Variants in NRIP1 observed in about 807,000 individuals in gnomAD.
The protein encoded by NRIP1 is nuclear receptor-interacting protein 1.
Under a neutral mutation model 75.0 loss-of-function variants are expected in NRIP1, and 28 were observed. That is an observed-to-expected ratio of 0.37 (90% confidence interval 0.28 to 0.51). The LOEUF is 0.51. Ranked by LOEUF, NRIP1 falls within the 20% of genes least tolerant of loss-of-function variation. The probability of loss-of-function intolerance (pLI) is 0.92; values close to 1 mark genes in which losing one functional copy is unlikely to be tolerated. For missense variants in NRIP1, 1,435 were observed against 1,343.7 expected, an observed-to-expected ratio of 1.07 and a Z score of -1.06; for synonymous variants, 526 against 487.6, an observed-to-expected ratio of 1.08 and a Z score of -1.04.
chr21:15,020,763 A>C (rs1263191950), intron 2 of NRIP1, among the ~76,000 whole-genome samples: 1 of 152,166 alleles, frequency 6.6e-6, no homozygotes, highest in Non-Finnish European at 1.5e-5. Context: ...ACCAAAGAAG[A>C]CATGTGAATG....
intron 3 of NRIP1, among the ~76,000 whole-genome samples, chr21:14,973,432 T>C (rs2086959927): frequency 6.6e-6 from 1 of 152,086 alleles, no homozygotes; most frequent in Admixed American, 6.6e-5. Context: ...TGAAGAAACA[T>C]CTTTTATGAA....
chr21:15,039,583 T>G lies in NRIP1; in HGVS notation c.-458+3912A>C, dbSNP rs372321162. Reference sequence around the variant, plus strand: ...TCAAAATTTAGGTAACCTTTAAATATCCTAAGTAATGAGAAGTCATAGGCA... The same window carrying G: ...TCAAAATTTAGGTAACCTTTAAATAGCCTAAGTAATGAGAAGTCATAGGCA... On this transcript the variant is annotated intron_variant, in intron 2 of 3. Transcript: ENST00000318948. Among the ~76,000 whole-genome samples, 14 of 152,222 alleles carry G rather than the reference T, an allele frequency of 9.2e-5. 1 individual carries two copies. The East Asian group carries it at 2.3e-3, about 25-fold the overall frequency.
At chr21:15,030,187 T>C (rs1042478235) in intron 2 of NRIP1, among the ~76,000 whole-genome samples, 1 of 152,204 alleles carries the variant, frequency 6.6e-6, no homozygotes, top group East Asian at 1.9e-4. Flanking sequence ...GATGGCAGAG[T>C]AGAAAACAGA....
intron 3 of NRIP1, chr21:14,974,103 CA>C (rs1412478870): frequency 2.0e-5 from 3 of 152,008 alleles, no homozygotes; most frequent in Non-Finnish European, 4.4e-5. Flanking sequence ...GAATAATTTA[CA>C]CAATAAGAAT....
intron 2 of NRIP1, among the ~76,000 whole-genome samples, chr21:15,032,171 T>G (rs1314077091): frequency 6.6e-6 from 1 of 152,236 alleles, no homozygotes; most frequent in Admixed American, 6.5e-5. Context: ...AGGGTTTTGA[T>G]TTTTAGCTCA....
Position 14,966,383 on chromosome 21 carries a change from T to C in NRIP1, c.1810A>G (p.Lys604Glu), listed in dbSNP as rs1429415323. The stretch of plus-strand genomic sequence containing the variant: ...TTCTCTCCTGGTGGGTCTTTGCTTT[T>C]TGTAAGGTCCATTGAGTGGTTAGAT... ...TASNHSMDLT[K>E]SKDPPGEKPA... The change falls in exon 4 of 4, where the codon AAA becomes GAA. Residue 604 changes from lysine (K) to glutamate (E), a missense_variant. By Grantham distance (56) the Lys-to-Glu change is moderately conservative. Coordinates refer to ENST00000318948, the MANE Select transcript of NRIP1 (RefSeq NM_003489.4). The C allele has an allele frequency of 1.2e-6, 2 of 1,613,952 alleles. No individual in the cohort carries two copies. The highest frequency in any genetic ancestry group is 2.7e-5 in the African/African-American group (2 of 74,908).
chr21:15,061,334 C>A (rs2089419611), intron 1 of NRIP1, among the ~76,000 whole-genome samples: 1 of 152,114 alleles, frequency 6.6e-6, no homozygotes, highest in African/African-American at 2.4e-5. Flanking sequence ...TATCAATCAC[C>A]TGAAGGGGCA....
rs188460430 is a variant in NRIP1 at position 15,032,162 on chromosome 21, G to T, written c.-458+11333C>A. Among the ~76,000 whole-genome samples the T allele has an allele frequency of 5.9e-5, 9 of 152,302 alleles. No homozygotes were observed. The East Asian group carries it at 1.5e-3, about 26-fold the overall frequency. The stretch of plus-strand genomic sequence containing the variant: ...CCCAAAGGGGTAATTTTGAGTCAAA[G>T]GGTTTTGATTTTTAGCTCAAAGCCA... On this transcript the variant is annotated intron_variant, in intron 2 of 3. Transcript: ENST00000318948.
intron 1 of NRIP1, among the ~76,000 whole-genome samples, chr21:15,049,528 T>C (rs575633902): frequency 1.6e-4 from 25 of 152,264 alleles, no homozygotes; most frequent in African/African-American, 6.0e-4. Flanking sequence ...TTGAAGTTAC[T>C]GGAGAAAAGA....
intron 1 of NRIP1, among the ~76,000 whole-genome samples, chr21:15,058,609 C>G (rs923092732): frequency 6.6e-6 from 1 of 151,932 alleles, no homozygotes; most frequent in African/African-American, 2.4e-5. Context: ...TTTTTTCATT[C>G]TGAACTTCTA....
Position 14,967,505 on chromosome 21 carries a change from T to A in NRIP1, c.688A>T (p.Met230Leu). 1.7e-5 allele frequency: 28 copies of A among 1,614,082 alleles called. No individual in the cohort carries two copies. Among genetic ancestry groups the A allele is most frequent in the Non-Finnish European group, 2.3e-5 (27 of 1,179,930 alleles). Residue 230 changes from methionine (M) to leucine (L), a missense_variant, in exon 4 of 4, where the codon ATG (methionine) becomes TTG (leucine). Met to Leu is a conservative substitution (Grantham distance 15). Coordinates refer to ENST00000318948, the MANE Select transcript of NRIP1 (RefSeq NM_003489.4). Reference protein sequence around the residue: ...HHVGQSGTKVMSEPLSCAARL... With the variant: ...HHVGQSGTKVLSEPLSCAARL... ...GCAGCACATGACAACGGTTCACTCA[T>A]GACCTTTGTTCCACTTTGTCCAACA...
intron 2 of NRIP1, among the ~76,000 whole-genome samples, chr21:15,031,973 T>A (rs2088710679): frequency 6.6e-6 from 1 of 151,960 alleles, no homozygotes; most frequent in Non-Finnish European, 1.5e-5. Context: ...TCTATGTGTG[T>A]ACACTCTGGA....
At chr21:15,047,642 T>C (rs1274993381) in intron 1 of NRIP1, among the ~76,000 whole-genome samples, 1 of 152,186 alleles carries the variant, frequency 6.6e-6, no homozygotes, top group Non-Finnish European at 1.5e-5. Context: ...ATGATTCAAT[T>C]ACCTCCCACT....
chr21:14,999,478 G>A (rs773555160), intron 3 of NRIP1, among the ~76,000 whole-genome samples: 32 of 151,926 alleles, frequency 2.1e-4, no homozygotes, highest in Non-Finnish European at 4.0e-4. Flanking sequence ...AATAAAATTT[G>A]GCTAATATAA....
At chr21:15,006,786 CGAGAGT>C (rs2087983278) in intron 3 of NRIP1, among the ~76,000 whole-genome samples, 1 of 152,072 alleles carries the variant, frequency 6.6e-6, no homozygotes, top group African/African-American at 2.4e-5. Context: ...AAATAAGACC[CGAGAGT>C]GCACAGTGCC....
At chr21:15,050,594 A>G in intron 1 of NRIP1, 1 of 370,514 alleles carries the variant, frequency 2.7e-6, no homozygotes, top group Non-Finnish European at 5.3e-6. Context: ...ATGAAGAAAG[A>G]AATAGGTTAG....
In NRIP1 at chr21:14,964,866, A is replaced by T; in HGVS notation, c.3327T>A (p.Leu1109=). 1.2e-6 allele frequency: 2 copies of T among 1,613,396 alleles called. No individual in the cohort carries two copies. Among genetic ancestry groups the T allele is most frequent in the Non-Finnish European group, 1.7e-6 (2 of 1,179,670 alleles). The part of the protein sequence containing the change: ...VSQVTAKEEL[L]PTAETKASFF... The stretch of plus-strand genomic sequence containing the variant: ...AAGAAGCTTTCGTTTCTGCAGTAGG[A>T]AGTAACTCTTCTTTGGCTGTGACCT... The change falls in exon 4 of 4, where the codon CTT becomes CTA. Residue 1109 remains leucine, a synonymous_variant. Transcript: ENST00000318948.
rs778315586 is a variant in NRIP1, at chr21:14,967,147, G to C, written c.1046C>G (p.Pro349Arg). Residue 349 changes from proline to arginine, a missense_variant, in exon 4 of 4, where the codon CCA (proline) becomes CGA (arginine). By Grantham distance (103) the Pro-to-Arg change is moderately radical (BLOSUM62 -2). Transcript: ENST00000318948. ...AGGGGAAGAAGGAATGATACCCATT[G>C]GATTTTGAAACACTGTAGCACTACT... ...SKSSATVFQN[P>R]MGIIPSSPKN... The C allele has an allele frequency of 8.7e-6, 14 of 1,613,958 alleles. No individual in the cohort carries two copies. The East Asian group carries it at 2.7e-4, about 31-fold the overall frequency.
chr21:15,026,222 G>T (rs982898714), intron 2 of NRIP1, among the ~76,000 whole-genome samples: 1 of 152,134 alleles, frequency 6.6e-6, no homozygotes, highest in Non-Finnish European at 1.5e-5. Context: ...AGTACATAAT[G>T]GGCATAGGAC....
Sources: gnomAD v4.1 joint callset for allele counts (sites outside exome capture counted in the v4.1 genomes callset) on GRCh38, gnomAD v4.1.1 for gene constraint, MANE v1.5 for transcripts, NCBI Gene and HGNC (gene_info 2026-07-23, HGNC 2026-07-21) for gene names.